The following KIF13B variants were observed in gnomAD, a reference collection of about 807,000 sequenced individuals.
The protein encoded by KIF13B is kinesin-like protein KIF13B.
In KIF13B, 127 loss-of-function variants were observed where a neutral mutation model predicts 222.0. That is an observed-to-expected ratio of 0.57 (90% confidence interval 0.50 to 0.66). The LOEUF (loss-of-function observed/expected upper bound fraction) is 0.66. Among genes scored for constraint, KIF13B ranks in the 30% least tolerant of loss-of-function variants. The probability of loss-of-function intolerance (pLI) is 0.00; values close to 1 mark genes in which losing one functional copy is unlikely to be tolerated. For synonymous variants in KIF13B, 976 were observed against 919.0 expected, an observed-to-expected ratio of 1.06 and a Z score of -1.12; for missense variants, 2,173 against 2,379.0, an observed-to-expected ratio of 0.91 and a Z score of 1.80.
intron 37 of KIF13B, among the ~76,000 whole-genome samples, chr8:29,090,637 G>C (rs1808255612): frequency 6.6e-6 from 1 of 152,150 alleles, no homozygotes; most frequent in Admixed American, 6.5e-5. Context: ...CAAACCAACT[G>C]GAATGTTCTG....
At chr8:29,084,176 A>G (rs979405417) in intron 37 of KIF13B, among the ~76,000 whole-genome samples, 10 of 152,152 alleles carry the variant, frequency 6.6e-5, no homozygotes, top group Non-Finnish European at 1.3e-4. Context: ...TCGGCCTCCC[A>G]AAGTGCTGGG....
intron 1 of KIF13B, among the ~76,000 whole-genome samples, chr8:29,258,414 G>A (rs145065583): frequency 1.6e-4 from 25 of 152,136 alleles, no homozygotes; most frequent in East Asian, 5.8e-4. Context: ...ATCTTTCCCC[G>A]TTGTGTTTGT....
At chr8:29,142,442 C>G (rs753003692) in intron 18 of KIF13B, 139 bp from the exon 19 acceptor site, 3 of 729,028 alleles carry the variant, frequency 4.1e-6, no homozygotes, top group Non-Finnish European at 6.6e-6. Flanking sequence ...GATTACAAAG[C>G]CTCCAAAAAG....
At chr8:29,121,054 G>A (rs1415808892) in intron 29 of KIF13B, among the ~76,000 whole-genome samples, 1 of 148,940 alleles carries the variant, frequency 6.7e-6, no homozygotes, top group Non-Finnish European at 1.5e-5. Context: ...AAATTTGTTT[G>A]AGTTCATTGT....
chr8:29,221,032 C>T (rs1197026655), intron 2 of KIF13B, among the ~76,000 whole-genome samples: 1 of 151,216 alleles, frequency 6.6e-6, no homozygotes, highest in Non-Finnish European at 1.5e-5. Flanking sequence ...GTGTCACCTA[C>T]TCAAGAGGCT....
At chr8:29,179,745 T>C (rs554082828) in intron 8 of KIF13B, among the ~76,000 whole-genome samples, 11 of 152,274 alleles carry the variant, frequency 7.2e-5, no homozygotes, top group Admixed American at 7.2e-4. Flanking sequence ...CAGAAGCAAC[T>C]TCTCTATTCC....
At chr8:29,199,773 A>T (rs894881137) in intron 2 of KIF13B, among the ~76,000 whole-genome samples, 1 of 152,026 alleles carries the variant, frequency 6.6e-6, no homozygotes, top group Non-Finnish European at 1.5e-5. Flanking sequence ...CACATTAACC[A>T]CTGCTCCTGC....
Position 29,069,764 on chromosome 8 carries a change from A to C in KIF13B, c.*740T>G, listed in dbSNP as rs1807164205. ...TGAAAAAATAAATATAAATAAATAC[A>C]TTCCAAGCCTTCTGTGAAGGGAATA... On this transcript the variant is annotated 3_prime_UTR_variant, in exon 40 of 40. Coordinates refer to ENST00000524189, the MANE Select transcript of KIF13B (RefSeq NM_015254.4). 6.6e-6 allele frequency: 1 copy of C among 152,178 alleles called. No individual in the cohort carries two copies. Among genetic ancestry groups the C allele is most frequent in the Non-Finnish European group, 1.5e-5 (1 of 68,012 alleles). 9.4% of individuals were successfully genotyped at this position (152,178 alleles called of 1,614,324 possible). A position where few individuals can be genotyped will look rare whatever the true frequency, so the allele number is the denominator to read the frequency against.
At chr8:29,253,956 G>A (rs1816379068) in intron 1 of KIF13B, among the ~76,000 whole-genome samples, 1 of 151,808 alleles carries the variant, frequency 6.6e-6, no homozygotes, top group African/African-American at 2.4e-5. Context: ...CAAAGGTAGA[G>A]TAATCAAGAC....
intron 1 of KIF13B, among the ~76,000 whole-genome samples, chr8:29,247,423 C>T (rs1586983331): frequency 6.6e-6 from 1 of 152,054 alleles, no homozygotes; most frequent in East Asian, 1.9e-4. Context: ...TTGTGTGATT[C>T]AAAAAGCACA....
At chr8:29,132,969 T>C (rs971382262) in intron 22 of KIF13B, among the ~76,000 whole-genome samples, 2 of 152,236 alleles carry the variant, frequency 1.3e-5, no homozygotes, top group African/African-American at 4.8e-5. Context: ...CTTTATAAGA[T>C]AGCATATTGC....
rs147608731 is a variant in KIF13B at position 29,160,086 on chromosome 8, C to A, written c.1404+647G>T. Among the ~76,000 whole-genome samples, 280 of 152,322 alleles carry A rather than the reference C, an allele frequency of 1.8e-3. 1 individual carries two copies. The highest frequency in any genetic ancestry group is 2.9e-3 in the East Asian group (15 of 5,188). ...GACACAGCCCATTCTGGGCACTCCT[C>A]GAATCTGTGTGGTGTCTCAGGGTTC... On this transcript the variant is annotated intron_variant, in intron 13 of 39. Coordinates refer to ENST00000524189, the MANE Select transcript of KIF13B (RefSeq NM_015254.4).
At chr8:29,159,519 A>G (rs1390671713) in intron 13 of KIF13B, among the ~76,000 whole-genome samples, 1 of 152,220 alleles carries the variant, frequency 6.6e-6, no homozygotes, top group East Asian at 1.9e-4. Context: ...TCAAACAAAA[A>G]AGTGGAATGT....
rs762237959 is a variant in KIF13B at position 29,191,027 on chromosome 8, T to C, written c.193A>G (p.Met65Val). 1.8e-5 allele frequency: 29 copies of C among 1,612,892 alleles called. No individual in the cohort carries two copies. Among genetic ancestry groups the C allele is most frequent in the Non-Finnish European group, 1.7e-5 (20 of 1,179,414 alleles). Residue 65 changes from methionine to valine, a missense_variant, in exon 4 of 40, where the codon ATG (methionine) becomes GTG (valine). Met to Val is a conservative substitution (Grantham distance 21). Around this residue, in one of 2 missense-constraint regions of KIF13B, gnomAD observed 1,480 missense variants for 1,722.8 expected, o/e 0.86. Coordinates refer to ENST00000524189, the MANE Select transcript of KIF13B (RefSeq NM_015254.4). ...TACTTTTCTTTGACAGATTCATCCA[T>C]AGACCAGAAACAATGATCATAAGCA... ...VFAYDHCFWS[M>V]DESVKEKYAG... is the part of the protein sequence containing the mutation.
chr8:29,253,858 C>T (rs527982378), intron 1 of KIF13B, among the ~76,000 whole-genome samples: 13 of 145,702 alleles, frequency 8.9e-5, no homozygotes, highest in African/African-American at 2.5e-4. Context: ...AAAAAAAACC[C>T]GCTTAAGGCA....
intron 17 of KIF13B, among the ~76,000 whole-genome samples, chr8:29,146,744 C>T (rs1285842538): frequency 3.3e-5 from 5 of 152,166 alleles, no homozygotes; most frequent in African/African-American, 1.2e-4. Context: ...GGAAAGCAGC[C>T]ACACAGCAAG....
Position 29,070,193 on chromosome 8 carries a change from C to T in KIF13B, c.*311G>A. ...AAAGAGCAACATAAGGCCCCAGGCA[C>T]AGGCACACAGCAAGATCACCAGGCG... On this transcript the variant is annotated 3_prime_UTR_variant, in exon 40 of 40. Coordinates refer to ENST00000524189, the MANE Select transcript of KIF13B (RefSeq NM_015254.4). The surrounding 1 kb of genome is among the most constrained non-coding windows in gnomAD (Gnocchi z 4.1). The T allele has an allele frequency of 2.3e-6, 1 of 442,664 alleles. No individual in the cohort carries two copies. Among genetic ancestry groups the T allele is most frequent in the Non-Finnish European group, 4.0e-6 (1 of 248,106 alleles). The allele number at this position is 442,664 out of a possible 1,614,324, so 27.4% of individuals were successfully genotyped here.
chr8:29,185,725 G>A (rs1586897114), intron 6 of KIF13B, among the ~76,000 whole-genome samples: 1 of 152,266 alleles, frequency 6.6e-6, no homozygotes. Flanking sequence ...TTGGCTCTTT[G>A]ACCTTCCTAA....
chr8:29,202,714 G>C (rs1382497297), intron 2 of KIF13B, among the ~76,000 whole-genome samples: 1 of 152,156 alleles, frequency 6.6e-6, no homozygotes, highest in Non-Finnish European at 1.5e-5. Context: ...CTGGCACAAG[G>C]AATGTGAAGC....
Sources: gnomAD v4.1 joint callset for allele counts (sites outside exome capture counted in the v4.1 genomes callset) on GRCh38, gnomAD v4.1.1 for gene constraint, gnomAD v4.1.1 regional missense constraint, Gnocchi (gnomAD v3.1) non-coding constraint, MANE v1.5 for transcripts, NCBI Gene and HGNC (gene_info 2026-07-23, HGNC 2026-07-21) for gene names.